Variants in ACADSB observed in about 807,000 individuals in gnomAD.
ACADSB encodes acyl-CoA dehydrogenase short/branched chain.
Under a neutral mutation model 54.1 loss-of-function variants are expected in ACADSB, and 40 were observed. The observed-to-expected ratio is 0.74, with a 90% confidence interval of 0.57 to 0.96. The LOEUF (loss-of-function observed/expected upper bound fraction) is 0.96, where lower values mean the gene tolerates loss of function less well. Ranked by LOEUF, ACADSB falls within the 40% of genes least tolerant of loss-of-function variation. ACADSB has a pLI of 0.00. For synonymous variants in ACADSB, 182 were observed against 182.8 expected (o/e 1.00, Z 0.03); for missense variants, 530 against 510.4 (o/e 1.04, Z -0.37).
Position 123,037,750 on chromosome 10 carries a change from A to C in ACADSB, c.206A>C (p.Lys69Thr), listed in dbSNP as rs1420427580. ...DEEMMIKSSV[K>T]KFAQEQIAPL... is the part of the protein sequence containing the mutation. ...TCAGTAATTCTTTTTCCTACAGTTA[A>C]AAAATTTGCTCAGGAACAAATTGCA... is the stretch of plus-strand genomic sequence containing the variant. Residue 69 changes from lysine to threonine, a missense_variant, in exon 3 of 11, where the codon AAA (lysine) becomes ACA (threonine). Lys to Thr is a moderately conservative substitution (Grantham distance 78, BLOSUM62 -1). Transcript: ENST00000358776. The C allele has an allele frequency of 6.2e-7, 1 of 1,604,202 alleles. No individual in the cohort carries two copies. Among genetic ancestry groups the C allele is most frequent in the Non-Finnish European group, 8.5e-7 (1 of 1,171,168 alleles).
Position 123,034,343 on chromosome 10 carries a change from A to G in ACADSB, c.43-13A>G. The G allele has an allele frequency of 1.2e-6, 2 of 1,612,746 alleles. No homozygotes were observed. Among genetic ancestry groups the G allele is most frequent in the Non-Finnish European group, 1.7e-6 (2 of 1,179,298 alleles). On this transcript the variant is annotated splice_polypyrimidine_tract_variant and intron_variant, in intron 1 of 10. Coordinates refer to ENST00000358776, the MANE Select transcript of ACADSB (RefSeq NM_001609.4). Reference sequence around the variant, plus strand: ...TCAAGTACCTTTCTTTCATGTGTGTATGTTCCCTACAGCTAAGAAGAAATT... The same window carrying G: ...TCAAGTACCTTTCTTTCATGTGTGTGTGTTCCCTACAGCTAAGAAGAAATT...
At chr10:123,038,959 C>A (rs965350006) in intron 3 of ACADSB, among the ~76,000 whole-genome samples, 6 of 152,068 alleles carry the variant, frequency 3.9e-5, no homozygotes, top group African/African-American at 1.4e-4. Flanking sequence ...AGATCTCCCC[C>A]GCGGTGGTCG....
rs1850718699 is a variant in ACADSB, at chr10:123,057,091, A to G, written c.*3326A>G. 6.5e-6 allele frequency: 1 copy of G among 152,722 alleles called. No homozygotes were observed. Among genetic ancestry groups the G allele is most frequent in the South Asian group, 2.1e-4 (1 of 4,832 alleles). The allele number at this position is 152,722 out of a possible 1,614,324, so 9.5% of individuals were successfully genotyped here. On this transcript the variant is annotated 3_prime_UTR_variant, in exon 11 of 11. Coordinates refer to ENST00000358776, the MANE Select transcript of ACADSB (RefSeq NM_001609.4). Reference sequence around the variant, plus strand: ...TTGGACATCTTTAATTTCTGCGATTATGTGAAAGAGGTGGACTTTACAGAT... The same window carrying G: ...TTGGACATCTTTAATTTCTGCGATTGTGTGAAAGAGGTGGACTTTACAGAT...
In ACADSB at chr10:123,047,222, C is replaced by T. The variant is rs756796542; in HGVS notation, c.914C>T (p.Ala305Val). Residue 305 changes from alanine (A) to valine (V), a missense_variant, in exon 8 of 11, where the codon GCG (alanine) becomes GTG (valine). Ala to Val is a moderately conservative substitution (Grantham distance 64). Transcript: ENST00000358776. Reference sequence around the variant, plus strand: ...TTGTTTTAACAGATGCTGGGACTGGCGCAAGGATGTTTTGACTACACTATT... The same window carrying T: ...TTGTTTTAACAGATGCTGGGACTGGTGCAAGGATGTTTTGACTACACTATT... Reference protein sequence around the residue: ...IGIAAQMLGLAQGCFDYTIPY... With the variant: ...IGIAAQMLGLVQGCFDYTIPY... 21 of 1,607,658 alleles carry T rather than the reference C, an allele frequency of 1.3e-5. No homozygotes were observed. The highest frequency in any genetic ancestry group is 3.3e-4 in the Middle Eastern group (2 of 6,038).
intron 10 of ACADSB, 115 bp downstream of exon 10, chr10:123,053,275 A>G: frequency 2.4e-6 from 2 of 827,626 alleles, no homozygotes; most frequent in Admixed American, 4.5e-5. Context: ...TTTCTTCAGT[A>G]TATGTTTGGT....
intron 1 of ACADSB, among the ~76,000 whole-genome samples, chr10:123,030,035 C>T (rs1341525875): frequency 6.6e-6 from 1 of 152,200 alleles, no homozygotes; most frequent in Admixed American, 6.5e-5. Flanking sequence ...GCCTTAGTCT[C>T]ATTCCCAAGG....
chr10:123,047,566 C>T (rs1850577329), intron 8 of ACADSB, among the ~76,000 whole-genome samples: 1 of 152,132 alleles, frequency 6.6e-6, no homozygotes, highest in African/African-American at 2.4e-5. Context: ...GCTTCAGAAG[C>T]TCAGGGCAGG....
At chr10:123,009,175 C>A in intron 1 of ACADSB, 104 bp downstream of exon 1, 2 of 1,252,284 alleles carry the variant, frequency 1.6e-6, no homozygotes, top group Non-Finnish European at 2.2e-6. Context: ...CCGGCCTGAG[C>A]CCCGCTCCAC....
At chr10:123,023,192 G>C (rs1033787141) in intron 1 of ACADSB, among the ~76,000 whole-genome samples, 1 of 152,274 alleles carries the variant, frequency 6.6e-6, no homozygotes, top group Admixed American at 6.5e-5. Context: ...TGTTTTGGCT[G>C]GGTTTATAGT....
intron 1 of ACADSB, among the ~76,000 whole-genome samples, chr10:123,029,940 G>T (rs909938535): frequency 1.3e-5 from 2 of 152,194 alleles, no homozygotes; most frequent in Non-Finnish European, 2.9e-5. Context: ...AGGTTCGGTT[G>T]TCTGGGGAAG....
intron 3 of ACADSB, 137 bp downstream of exon 3, chr10:123,037,984 T>C (rs1850422082): frequency 1.5e-6 from 1 of 689,218 alleles, no homozygotes. Context: ...TTGATATTTA[T>C]GTACTTAAAA....
rs184574685 is a variant in ACADSB at position 123,056,687 on chromosome 10, G to C, written c.*2922G>C. 1 of 152,150 alleles carries C rather than the reference G, an allele frequency of 6.6e-6. No individual in the cohort carries two copies. The highest frequency in any genetic ancestry group is 1.5e-5 in the Non-Finnish European group (1 of 68,014). The allele number at this position is 152,150 out of a possible 1,614,324, so 9.4% of individuals were successfully genotyped here. ...TGTTAGAGATGAAGAATCTTCCAAGGCTCATGCAGTTGCTTAGAATAATCA... is the reference window on the plus strand; with the variant it reads ...TGTTAGAGATGAAGAATCTTCCAAGCCTCATGCAGTTGCTTAGAATAATCA... On this transcript the variant is annotated 3_prime_UTR_variant, in exon 11 of 11. Coordinates refer to ENST00000358776, the MANE Select transcript of ACADSB (RefSeq NM_001609.4).
intron 6 of ACADSB, 45 bp downstream of exon 6, chr10:123,043,216 C>G: frequency 6.2e-7 from 1 of 1,609,492 alleles, no homozygotes; most frequent in South Asian, 1.1e-5. Flanking sequence ...GCGAAATAAG[C>G]CTTGCATGGA....
intron 1 of ACADSB, among the ~76,000 whole-genome samples, chr10:123,030,395 C>T (rs745826141): frequency 5.3e-5 from 8 of 151,982 alleles, no homozygotes; most frequent in East Asian, 3.9e-4. Flanking sequence ...GCTATGGTGG[C>T]GCACACCTGT....
Position 123,053,761 on chromosome 10 carries a change from A to G in ACADSB, c.1295A>G (p.Tyr432Cys), listed in dbSNP as rs761149032. Residue 432 changes from tyrosine (Y) to cysteine (C), a missense_variant, in exon 11 of 11, where the codon TAC (tyrosine) becomes TGC (cysteine). Coordinates refer to ENST00000358776, the MANE Select transcript of ACADSB (RefSeq NM_001609.4). Reference protein sequence around the residue: ...NTIAKHIDAEY With the variant: ...NTIAKHIDAEC Reference sequence around the variant, plus strand: ...ATTGCAAAGCATATCGATGCAGAATACTGACGTCTATAGGAGTGGGACCCC... The same window carrying G: ...ATTGCAAAGCATATCGATGCAGAATGCTGACGTCTATAGGAGTGGGACCCC... 3.1e-6 allele frequency: 5 copies of G among 1,613,500 alleles called. No individual in the cohort carries two copies. The South Asian group carries it at 4.4e-5, about 14-fold the overall frequency.
At chr10:123,040,445 G>A in intron 3 of ACADSB, 21 bp from the exon 4 acceptor site, 4 of 1,598,502 alleles carry the variant, frequency 2.5e-6, no homozygotes, top group Non-Finnish European at 3.4e-6. Context: ...CTTAATCTAT[G>A]TTGCCTTGTT....
intron 1 of ACADSB, among the ~76,000 whole-genome samples, chr10:123,033,466 C>T (rs1323213768): frequency 2.0e-5 from 3 of 152,180 alleles, no homozygotes; most frequent in African/African-American, 4.8e-5. Context: ...ATTTGGGACA[C>T]TACAACAGGA....
At chr10:123,049,580 T>C (rs1010355039) in intron 8 of ACADSB, among the ~76,000 whole-genome samples, 10 of 152,232 alleles carry the variant, frequency 6.6e-5, no homozygotes, top group African/African-American at 2.4e-4. Context: ...AGAACAGTGA[T>C]ACTTGTATAG....
chr10:123,028,709 G>T (rs549363835), intron 1 of ACADSB, among the ~76,000 whole-genome samples: 4 of 152,098 alleles, frequency 2.6e-5, no homozygotes, highest in African/African-American at 9.6e-5. Context: ...AAGCATACGT[G>T]GTTCAGGCAA....
Sources: allele counts gnomAD v4.1 joint callset (sites outside exome capture counted in the v4.1 genomes callset), GRCh38; gene constraint gnomAD v4.1.1; transcripts MANE v1.5; gene names NCBI Gene and HGNC (gene_info 2026-07-23, HGNC 2026-07-21).